The following GRID2 variants were observed in gnomAD, a reference collection of about 807,000 sequenced individuals.
GRID2 encodes the protein glutamate ionotropic receptor delta type subunit 2.
In GRID2, 33 loss-of-function variants were observed where a neutral mutation model predicts 114.8. The observed-to-expected ratio is 0.29, with a 90% CI of 0.22 to 0.38. The LOEUF (loss-of-function observed/expected upper bound fraction) is 0.38, where lower values mean the gene tolerates loss of function less well. Ranked by LOEUF, GRID2 falls within the 10% of genes least tolerant of loss-of-function variation. The pLI is 1.00. For missense variants in GRID2, 1,184 were observed against 1,257.7 expected, an observed-to-expected ratio of 0.94 and a Z score of 0.89; for synonymous variants, 505 against 449.9, an observed-to-expected ratio of 1.12 and a Z score of -1.55.
At chr4:93,400,605 A>AGGGTTTGGTTAC (rs1765785488) in intron 9 of GRID2, among the ~76,000 whole-genome samples, 5 of 152,132 alleles carry the variant, frequency 3.3e-5, no homozygotes, top group African/African-American at 1.2e-4. Flanking sequence ...ATATGATAAT[A>AGGGTTTGGTTAC]AAATGGAAAG....
intron 1 of GRID2, among the ~76,000 whole-genome samples, chr4:92,369,348 G>A (rs1729013808): frequency 6.6e-6 from 1 of 152,066 alleles, no homozygotes; most frequent in South Asian, 2.1e-4. Flanking sequence ...AAAAGACATA[G>A]AAAGGTGACT....
intron 4 of GRID2, among the ~76,000 whole-genome samples, chr4:93,160,596 G>A (rs571734997): frequency 7.9e-5 from 12 of 151,754 alleles, no homozygotes; most frequent in African/African-American, 2.7e-4. Context: ...CGAAATCATA[G>A]CACTCAAAAA....
intron 8 of GRID2, among the ~76,000 whole-genome samples, chr4:93,314,265 C>A (rs1054509774): frequency 7.3e-6 from 1 of 136,724 alleles, no homozygotes; most frequent in Non-Finnish European, 1.5e-5. Context: ...AGATCGTACA[C>A]CGCATTCCAG....
At chr4:93,505,446 C>G (rs188869833) in intron 12 of GRID2, among the ~76,000 whole-genome samples, 1 of 151,578 alleles carries the variant, frequency 6.6e-6, no homozygotes. Flanking sequence ...TTCCTAGTGT[C>G]TTGAGATAAA....
intron 13 of GRID2, among the ~76,000 whole-genome samples, chr4:93,600,956 G>C (rs1374977833): frequency 6.6e-6 from 1 of 152,202 alleles, no homozygotes; most frequent in Non-Finnish European, 1.5e-5. Flanking sequence ...TGAAGCTCAA[G>C]AGCCAGCAAA....
intron 1 of GRID2, among the ~76,000 whole-genome samples, chr4:92,337,190 CTCTG>C (rs1228238253): frequency 6.6e-6 from 1 of 151,944 alleles, no homozygotes; most frequent in Non-Finnish European, 1.5e-5. Context: ...GTTTCATAAA[CTCTG>C]TCTTATCTTT....
intron 1 of GRID2, among the ~76,000 whole-genome samples, chr4:92,560,345 T>C (rs1395432592): frequency 1.3e-5 from 2 of 152,132 alleles, no homozygotes; most frequent in African/African-American, 4.8e-5. Context: ...GCCAGGTGTA[T>C]TTTATTATGA....
chr4:93,649,299 G>A (rs1722380212), intron 14 of GRID2, among the ~76,000 whole-genome samples: 1 of 152,102 alleles, frequency 6.6e-6, no homozygotes, highest in African/African-American at 2.4e-5. Context: ...ACAACATGAT[G>A]TTAACTAATG....
intron 8 of GRID2, among the ~76,000 whole-genome samples, chr4:93,263,692 T>C (rs1456328155): frequency 6.6e-6 from 1 of 152,138 alleles, no homozygotes; most frequent in East Asian, 1.9e-4. Context: ...ACTGATGGTC[T>C]TATTTTTAAT....
At chr4:93,076,765 G>A (rs2149312339) in intron 2 of GRID2, among the ~76,000 whole-genome samples, 1 of 151,822 alleles carries the variant, frequency 6.6e-6, no homozygotes, top group South Asian at 2.1e-4. Context: ...TTACAGGCAG[G>A]AGCTACCATT....
intron 1 of GRID2, among the ~76,000 whole-genome samples, chr4:92,537,995 T>C (rs1381612679): frequency 6.6e-6 from 1 of 152,176 alleles, no homozygotes; most frequent in Admixed American, 6.5e-5. Flanking sequence ...TTTCCCTATT[T>C]CTTCTGGTTC....
intron 2 of GRID2, among the ~76,000 whole-genome samples, chr4:92,747,458 T>C (rs1447050430): frequency 6.6e-6 from 1 of 152,096 alleles, no homozygotes; most frequent in Non-Finnish European, 1.5e-5. Flanking sequence ...TCAGCGTATG[T>C]TTCTTAGGAC....
At chr4:93,040,873 G>T (rs1389096820) in intron 2 of GRID2, among the ~76,000 whole-genome samples, 3 of 152,040 alleles carry the variant, frequency 2.0e-5, no homozygotes, top group Non-Finnish European at 4.4e-5. Context: ...TGTATTTATG[G>T]CATCTTTCTG....
At chr4:92,772,354 A>C (rs1028804346) in intron 2 of GRID2, among the ~76,000 whole-genome samples, 3 of 151,856 alleles carry the variant, frequency 2.0e-5, no homozygotes, top group Non-Finnish European at 4.4e-5. Context: ...ATACCTTCTT[A>C]CCTTTCTGTG....
intron 13 of GRID2, among the ~76,000 whole-genome samples, chr4:93,599,355 A>G (rs1392003297): frequency 6.6e-6 from 1 of 152,228 alleles, no homozygotes; most frequent in Non-Finnish European, 1.5e-5. Flanking sequence ...AATTTAGAGT[A>G]AGACCAGCCT....
At chr4:93,681,636 A>G (rs1265437549) in intron 14 of GRID2, among the ~76,000 whole-genome samples, 3 of 152,194 alleles carry the variant, frequency 2.0e-5, no homozygotes, top group Non-Finnish European at 4.4e-5. Flanking sequence ...CACATCTACA[A>G]CTATCTGATC....
At chr4:92,352,808 T>C (rs895863156) in intron 1 of GRID2, among the ~76,000 whole-genome samples, 12 of 151,980 alleles carry the variant, frequency 7.9e-5, no homozygotes, top group Non-Finnish European at 1.8e-4. Context: ...CTGTTCTGGA[T>C]GGTAAACACT....
Position 93,455,792 on chromosome 4 carries a change from T to A in GRID2, c.1676T>A (p.Phe559Tyr). ...LRRAEKTVDM[F>Y]ACLAPFDLSL... ...AGGGCTGAAAAGACAGTGGATATGTTTGCCTGTCTTGCACCATTTGATCTC... is the reference window on the plus strand; with the variant it reads ...AGGGCTGAAAAGACAGTGGATATGTATGCCTGTCTTGCACCATTTGATCTC... Residue 559 changes from phenylalanine to tyrosine, a missense_variant, in exon 11 of 16, where the codon TTT (phenylalanine) becomes TAT (tyrosine). This residue lies in a region of GRID2 where 717 missense variants were observed against 796.9 expected (regional missense o/e 0.90). Coordinates refer to ENST00000282020, the MANE Select transcript of GRID2 (RefSeq NM_001510.4). 6.2e-7 allele frequency: 1 copy of A among 1,613,748 alleles called. No homozygotes were observed. Among genetic ancestry groups the A allele is most frequent in the Non-Finnish European group, 8.5e-7 (1 of 1,179,662 alleles).
chr4:93,421,520 C>T (rs1265752107), intron 9 of GRID2, among the ~76,000 whole-genome samples: 2 of 152,058 alleles, frequency 1.3e-5, no homozygotes, highest in South Asian at 4.2e-4. Context: ...TTACAAATAC[C>T]ACAATATCAA....
Sources: gnomAD v4.1 joint callset for allele counts (sites outside exome capture counted in the v4.1 genomes callset) on GRCh38, gnomAD v4.1.1 for gene constraint, gnomAD v4.1.1 regional missense constraint, MANE v1.5 for transcripts, NCBI Gene and HGNC (gene_info 2026-07-23, HGNC 2026-07-21) for gene names.